Variants in CACNA2D1 observed in about 807,000 individuals in gnomAD.
CACNA2D1 encodes calcium voltage-gated channel auxiliary subunit alpha2delta 1.
A neutral mutation model predicts 171.5 loss-of-function variants in CACNA2D1; 53 were observed. That is an observed-to-expected ratio of 0.31 (90% confidence interval 0.25 to 0.39). The LOEUF is 0.39. Ranked by LOEUF, CACNA2D1 falls within the 10% of genes least tolerant of loss-of-function variation. CACNA2D1 has a pLI of 1.00. For synonymous variants in CACNA2D1, 442 were observed against 443.1 expected, an observed-to-expected ratio of 1.00 and a Z score of 0.03; for missense variants, 903 against 1,299.8, an observed-to-expected ratio of 0.69 and a Z score of 4.69.
At chr7:82,038,281 A>T (rs757480139) in intron 10 of CACNA2D1, 46 bp from the exon 11 acceptor site, 1 of 1,517,720 alleles carries the variant, frequency 6.6e-7, no homozygotes, top group Non-Finnish European at 9.1e-7. Flanking sequence ...ATTAAAATCA[A>T]CCATATAGTT....
At chr7:82,151,877 G>T (rs1364362174) in intron 4 of CACNA2D1, among the ~76,000 whole-genome samples, 1 of 152,048 alleles carries the variant, frequency 6.6e-6, no homozygotes, top group African/African-American at 2.4e-5. Flanking sequence ...AGAATAAAGA[G>T]AATGTATTAG....
intron 6 of CACNA2D1, among the ~76,000 whole-genome samples, chr7:82,110,906 T>C (rs1788299576): frequency 1.3e-5 from 2 of 152,114 alleles, no homozygotes; most frequent in South Asian, 2.1e-4. Flanking sequence ...ATATACACTA[T>C]TATTTTAATT....
intron 3 of CACNA2D1, among the ~76,000 whole-genome samples, chr7:82,329,842 G>C (rs1817087876): frequency 6.6e-6 from 1 of 152,012 alleles, no homozygotes; most frequent in Non-Finnish European, 1.5e-5. Flanking sequence ...TGGGTTTAGA[G>C]GGGAACAAAC....
chr7:81,984,046 A>G (rs1004084614), intron 22 of CACNA2D1, among the ~76,000 whole-genome samples: 4 of 152,164 alleles, frequency 2.6e-5, no homozygotes, highest in Admixed American at 2.0e-4. Context: ...ATTACTCTAC[A>G]TTCCAAATGA....
At position 82,311,190 on chromosome 7, in the gene CACNA2D1, A is replaced by G. The variant is rs1473233007; in HGVS notation, c.294+23945T>C. Among the ~76,000 whole-genome samples the G allele has an allele frequency of 2.0e-5, 3 of 152,244 alleles. No individual in the cohort carries two copies. In the East Asian group the frequency reaches 5.8e-4, roughly 29 times the overall value. On this transcript the variant is annotated intron_variant, in intron 3 of 38. Transcript: ENST00000356860. The stretch of plus-strand genomic sequence containing the variant: ...CATGGTCATTTTAAGTCTTGTTGTC[A>G]TAATAAATTGCTTATTCTGATGCTT...
chr7:81,957,523 C>A (rs764065469), intron 38 of CACNA2D1, among the ~76,000 whole-genome samples: 1 of 151,982 alleles, frequency 6.6e-6, no homozygotes. Flanking sequence ...GGTACAGGCA[C>A]GACTCGTTGT....
chr7:82,138,449 G>GTTTTTTTTTTTT (rs5885271), intron 4 of CACNA2D1, among the ~76,000 whole-genome samples: 1 of 101,584 alleles, frequency 9.8e-6, no homozygotes, highest in African/African-American at 3.6e-5. Context: ...TGTTTTTTTT[G>GTTTTTTTTTTTT]TTTTTTTTTT....
chr7:82,412,575 G>A (rs1827791610), intron 1 of CACNA2D1, among the ~76,000 whole-genome samples: 1 of 151,984 alleles, frequency 6.6e-6, no homozygotes, highest in South Asian at 2.1e-4. Context: ...GAGCCACTGT[G>A]CCCGGCCTAG....
intron 14 of CACNA2D1, among the ~76,000 whole-genome samples, chr7:82,013,017 A>G (rs1419470664): frequency 6.6e-6 from 1 of 152,056 alleles, no homozygotes; most frequent in Non-Finnish European, 1.5e-5. Flanking sequence ...TTAGATTGAT[A>G]AATAGATCCA....
rs1273887567 is a variant in CACNA2D1 at position 81,946,499 on chromosome 7, CACA to C, written c.*3890_*3892del. On this transcript the variant is annotated 3_prime_UTR_variant, in exon 39 of 39. Coordinates refer to ENST00000356860, the MANE Select transcript of CACNA2D1 (RefSeq NM_000722.4). ...TATACTGTTTTTGCACAAGATTTAA[CACA>C]ACATTTTCTGGGATTATAAATATTT... 34 of 152,140 alleles carry C rather than the reference CACA, an allele frequency of 2.2e-4. No homozygotes were observed. The highest frequency in any genetic ancestry group is 4.4e-5 in the Non-Finnish European group (3 of 67,966). The allele number at this position is 152,140 out of a possible 1,614,324, so 9.4% of individuals were successfully genotyped here. A position where few individuals can be genotyped will look rare whatever the true frequency, so the allele number is the denominator to read the frequency against.
At chr7:82,280,289 T>C (rs1809912487) in intron 3 of CACNA2D1, among the ~76,000 whole-genome samples, 1 of 152,180 alleles carries the variant, frequency 6.6e-6, no homozygotes, top group South Asian at 2.1e-4. Context: ...ATATTACATA[T>C]GACAGAGAGG....
intron 3 of CACNA2D1, among the ~76,000 whole-genome samples, chr7:82,241,691 G>A (rs1489966038): frequency 6.6e-6 from 1 of 151,924 alleles, no homozygotes; most frequent in East Asian, 1.9e-4. Flanking sequence ...GTTTAAGGAT[G>A]CATGGAAGGG....
intron 3 of CACNA2D1, among the ~76,000 whole-genome samples, chr7:82,187,441 C>G (rs36032548): frequency 1.3e-5 from 2 of 151,784 alleles, no homozygotes; most frequent in African/African-American, 4.8e-5. Context: ...GAAATAAGGA[C>G]AATGTACAAT....
chr7:81,992,644 T>C (rs2130756138), intron 20 of CACNA2D1, among the ~76,000 whole-genome samples: 1 of 152,284 alleles, frequency 6.6e-6, no homozygotes, highest in East Asian at 1.9e-4. Flanking sequence ...AAAATGTAAG[T>C]TTTTTCAATA....
intron 6 of CACNA2D1, among the ~76,000 whole-genome samples, chr7:82,102,184 A>G (rs929456029): frequency 2.6e-5 from 4 of 152,116 alleles, no homozygotes; most frequent in African/African-American, 9.7e-5. Context: ...TAACAGTTCT[A>G]TTGTGCAGCT....
chr7:82,080,813 C>A (rs1809655607), intron 7 of CACNA2D1, among the ~76,000 whole-genome samples: 1 of 152,164 alleles, frequency 6.6e-6, no homozygotes, highest in African/African-American at 2.4e-5. Flanking sequence ...TTTCAGTTTC[C>A]TTGTCAACTC....
chr7:81,995,445 A>G (rs979560972), intron 19 of CACNA2D1, among the ~76,000 whole-genome samples: 1 of 152,162 alleles, frequency 6.6e-6, no homozygotes, highest in African/African-American at 2.4e-5. Flanking sequence ...ATAAACACCT[A>G]TTTGGATTTA....
chr7:82,078,082 C>G (rs1474394282), intron 7 of CACNA2D1, among the ~76,000 whole-genome samples: 1 of 152,022 alleles, frequency 6.6e-6, no homozygotes, highest in African/African-American at 2.4e-5. Flanking sequence ...AAAATCCTAG[C>G]AGAAATAGCA....
chr7:82,313,668 T>C (rs1814749151), intron 3 of CACNA2D1, among the ~76,000 whole-genome samples: 1 of 152,222 alleles, frequency 6.6e-6, no homozygotes. Flanking sequence ...ATATTCTGTA[T>C]GACTTCTCTG....
Sources: allele counts gnomAD v4.1 joint callset (sites outside exome capture counted in the v4.1 genomes callset), GRCh38; gene constraint gnomAD v4.1.1; transcripts MANE v1.5; gene names NCBI Gene and HGNC (gene_info 2026-07-23, HGNC 2026-07-21).